Variants in NKAIN2 observed in about 807,000 individuals in gnomAD.
The protein encoded by NKAIN2 is sodium/potassium transporting ATPase interacting 2, also known as sodium/potassium-transporting ATPase subunit beta-1-interacting protein 2.
Under a neutral mutation model 32.6 loss-of-function variants are expected in NKAIN2, and 14 were observed. The observed-to-expected ratio is 0.43, with a 90% CI of 0.28 to 0.67. The LOEUF (loss-of-function observed/expected upper bound fraction) is 0.67, where lower values mean the gene tolerates loss of function less well. NKAIN2 is among the 30% of genes least tolerant of loss of function. The pLI is 0.17. For synonymous variants in NKAIN2, 80 were observed against 87.2 expected (o/e 0.92, Z 0.46); for missense variants, 198 against 258.3 (o/e 0.77, Z 1.60).
chr6:123,972,108 T>C (rs935235450), intron 1 of NKAIN2, among the ~76,000 whole-genome samples: 3 of 152,212 alleles, frequency 2.0e-5, no homozygotes, highest in African/African-American at 7.2e-5. Context: ...CTTATGCTTC[T>C]CTTAACATTG....
intron 1 of NKAIN2, among the ~76,000 whole-genome samples, chr6:123,955,020 G>C (rs777480875): frequency 6.6e-6 from 1 of 151,962 alleles, no homozygotes; most frequent in Non-Finnish European, 1.5e-5. Flanking sequence ...AAGGGGATGG[G>C]TAGGTAAAAA....
intron 4 of NKAIN2, among the ~76,000 whole-genome samples, chr6:124,745,121 G>T (rs1305942307): frequency 6.6e-6 from 1 of 151,748 alleles, no homozygotes; most frequent in African/African-American, 2.4e-5. Context: ...TCTAATGCAG[G>T]ATACTATAAA....
intron 1 of NKAIN2, among the ~76,000 whole-genome samples, chr6:124,275,951 A>T (rs1306609450): frequency 6.6e-6 from 1 of 152,086 alleles, no homozygotes; most frequent in East Asian, 1.9e-4. Context: ...CATATTGTAG[A>T]TGAAGAAACT....
intron 1 of NKAIN2, among the ~76,000 whole-genome samples, chr6:124,111,220 C>T (rs182352832): frequency 6.6e-6 from 1 of 152,064 alleles, no homozygotes; most frequent in East Asian, 1.9e-4. Context: ...ATGTCAGGTC[C>T]ATTTTTTCTT....
At chr6:124,622,514 T>C (rs1017770411) in intron 3 of NKAIN2, among the ~76,000 whole-genome samples, 2 of 152,150 alleles carry the variant, frequency 1.3e-5, no homozygotes, top group African/African-American at 4.8e-5. Flanking sequence ...GCTTTAAGAG[T>C]TAACTAGCTC....
intron 4 of NKAIN2, among the ~76,000 whole-genome samples, chr6:124,718,030 T>A (rs7740919): frequency 6.6e-6 from 1 of 152,198 alleles, no homozygotes; most frequent in African/African-American, 2.4e-5. Context: ...GTCACTGTGA[T>A]GTAACAACAG....
At chr6:124,094,192 A>G (rs1298536122) in intron 1 of NKAIN2, among the ~76,000 whole-genome samples, 2 of 152,100 alleles carry the variant, frequency 1.3e-5, no homozygotes, top group Non-Finnish European at 2.9e-5. Flanking sequence ...TATCTCTCCT[A>G]ATGCACTGTG....
intron 4 of NKAIN2, among the ~76,000 whole-genome samples, chr6:124,686,019 A>T (rs1369861800): frequency 6.6e-6 from 1 of 152,144 alleles, no homozygotes; most frequent in Non-Finnish European, 1.5e-5. Context: ...GGAAGGATTA[A>T]ATTCCAAGCT....
At chr6:124,044,589 A>G (rs1267490746) in intron 1 of NKAIN2, among the ~76,000 whole-genome samples, 1 of 152,180 alleles carries the variant, frequency 6.6e-6, no homozygotes, top group East Asian at 1.9e-4. Context: ...TGTCTGATGC[A>G]TAGACTGTTG....
At chr6:124,054,254 A>G (rs1045971289) in intron 1 of NKAIN2, among the ~76,000 whole-genome samples, 15 of 152,020 alleles carry the variant, frequency 9.9e-5, no homozygotes, top group Non-Finnish European at 1.9e-4. Context: ...AGATCAAGTA[A>G]TGAGTTTCTG....
chr6:124,359,918 A>G (rs1458012312), intron 3 of NKAIN2, among the ~76,000 whole-genome samples: 1 of 152,182 alleles, frequency 6.6e-6, no homozygotes, highest in African/African-American at 2.4e-5. Context: ...TTTGTCATAG[A>G]TAACTCTTAT....
At chr6:124,121,904 G>A (rs933728487) in intron 1 of NKAIN2, 9 of 1,244,446 alleles carry the variant, frequency 7.2e-6, no homozygotes, top group Middle Eastern at 2.2e-4. Flanking sequence ...GGGATCATTA[G>A]GTTTCTCTTA....
chr6:124,762,935 G>A (rs1198974585), intron 4 of NKAIN2, among the ~76,000 whole-genome samples: 3 of 152,190 alleles, frequency 2.0e-5, no homozygotes, highest in Non-Finnish European at 4.4e-5. Flanking sequence ...TTCTGTCAGT[G>A]ACAGGAAAGA....
At chr6:124,444,162 A>T (rs1775799370) in intron 3 of NKAIN2, among the ~76,000 whole-genome samples, 1 of 152,210 alleles carries the variant, frequency 6.6e-6, no homozygotes, top group African/African-American at 2.4e-5. Flanking sequence ...TTGATTCGAT[A>T]GTTGATATAG....
At chr6:124,645,054 T>G (rs1296751487) in intron 3 of NKAIN2, among the ~76,000 whole-genome samples, 1 of 152,204 alleles carries the variant, frequency 6.6e-6, no homozygotes, top group Non-Finnish European at 1.5e-5. Context: ...ATACACTTAC[T>G]TATATTTTAT....
At chr6:124,758,271 A>C (rs754841400) in intron 4 of NKAIN2, among the ~76,000 whole-genome samples, 2 of 152,010 alleles carry the variant, frequency 1.3e-5, no homozygotes, top group Non-Finnish European at 2.9e-5. Flanking sequence ...CTCAAAACTC[A>C]TATGTTAAAA....
In NKAIN2 at chr6:123,825,221, A is replaced by G. The variant is rs368333272; in HGVS notation, c.54+20967A>G. Among the ~76,000 whole-genome samples the G allele has an allele frequency of 3.9e-5, 6 of 152,182 alleles. 1 individual carries two copies. In the South Asian group the frequency reaches 6.2e-4, roughly 16 times the overall value. On this transcript the variant is annotated intron_variant, in intron 1 of 6. Coordinates refer to ENST00000368417, the MANE Select transcript of NKAIN2 (RefSeq NM_001040214.3). ...CACACAGGCCCCAGATCTTAATACC[A>G]TCACCTTAGGGTTAGGATTTCAACA...
At chr6:124,525,643 A>G (rs1779282299) in intron 3 of NKAIN2, among the ~76,000 whole-genome samples, 1 of 152,164 alleles carries the variant, frequency 6.6e-6, no homozygotes, top group Non-Finnish European at 1.5e-5. Flanking sequence ...AATAGAGATT[A>G]ATTTTAATTT....
chr6:124,474,944 A>G lies in NKAIN2; in HGVS notation c.273+119597A>G, dbSNP rs368397956. Among the ~76,000 whole-genome samples, 6 of 138,270 alleles carry G rather than the reference A, an allele frequency of 4.3e-5. No homozygotes were observed. The East Asian group carries it at 6.6e-4, about 15-fold the overall frequency. 90.7% of individuals were successfully genotyped at this position (138,270 alleles called of 152,430 possible). ...TGTATGCATTATATAGGTATATATC[A>G]TATATACATATATATATAACGTATA... is the stretch of plus-strand genomic sequence containing the variant. On this transcript the variant is annotated intron_variant, in intron 3 of 6. Transcript: ENST00000368417.
Sources: gnomAD v4.1 joint callset for allele counts (sites outside exome capture counted in the v4.1 genomes callset) on GRCh38, gnomAD v4.1.1 for gene constraint, MANE v1.5 for transcripts, NCBI Gene and HGNC (gene_info 2026-07-23, HGNC 2026-07-21) for gene names.